PLEKHA1: variants seen among roughly 807,000 people sequenced by gnomAD.
The protein encoded by PLEKHA1 is pleckstrin homology domain containing A1.
A neutral mutation model predicts 52.0 loss-of-function variants in PLEKHA1; 34 were observed. The observed-to-expected ratio is 0.65, with a 90% CI of 0.50 to 0.87. PLEKHA1 has a LOEUF of 0.87. Ranked by LOEUF, PLEKHA1 falls within the 40% of genes least tolerant of loss-of-function variation. The pLI is 0.00. For missense variants in PLEKHA1, 497 were observed against 504.2 expected (o/e 0.99, Z 0.14); for synonymous variants, 163 against 170.7 (o/e 0.95, Z 0.35).
intron 1 of PLEKHA1, among the ~76,000 whole-genome samples, chr10:122,375,497 G>C (rs1433227272): frequency 1.3e-5 from 2 of 152,162 alleles, no homozygotes; most frequent in Non-Finnish European, 2.9e-5. Flanking sequence ...CCAGACCCAG[G>C]TCTTTCGACG....
At chr10:122,426,851 G>A (rs2292625) in intron 10 of PLEKHA1, 91 bp from the exon 11 acceptor site, 178,594 of 1,117,128 alleles carry the variant, frequency 0.16, 15,229 homozygotes, top group Middle Eastern at 0.21. Flanking sequence ...GTTGATGACA[G>A]TATTTTAAGT....
chr10:122,430,026 G>C lies in PLEKHA1; in HGVS notation c.*88G>C. On this transcript the variant is annotated 3_prime_UTR_variant, in exon 12 of 12. Coordinates refer to ENST00000368990, the MANE Select transcript of PLEKHA1 (RefSeq NM_001001974.4). ...GCCAAAGATGATAAAGGGGGAAATG[G>C]TTTTTAGTGCGTATATTATACTGCC... 7.1e-7 allele frequency: 1 copy of C among 1,410,004 alleles called. No individual in the cohort carries two copies. The highest frequency in any genetic ancestry group is 2.3e-5 in the East Asian group (1 of 43,158). 87.3% of individuals were successfully genotyped at this position (1,410,004 alleles called of 1,614,324 possible). A position where few individuals can be genotyped will look rare whatever the true frequency, so the allele number is the denominator to read the frequency against.
chr10:122,376,433 T>C (rs986706375), intron 1 of PLEKHA1, among the ~76,000 whole-genome samples: 7 of 151,170 alleles, frequency 4.6e-5, no homozygotes, highest in African/African-American at 1.7e-4. Flanking sequence ...CTGTATCTAC[T>C]GACAGTTTTC....
At position 122,393,318 on chromosome 10, in the gene PLEKHA1, G is replaced by A. The variant is rs759484111; in HGVS notation, c.118G>A (p.Val40Met). The A allele has an allele frequency of 1.1e-5, 17 of 1,611,546 alleles. No homozygotes were observed. Among genetic ancestry groups the A allele is most frequent in the East Asian group, 2.2e-5 (1 of 44,830 alleles). ...ACTGGATACCAGAGAAGATAGTTTC[G>A]TGTGGTACATGGATAATCCACAGGT... ...FILDTREDSF[V>M]WYMDNPQNLP... The change falls in exon 2 of 12, where the codon GTG becomes ATG. Residue 40 changes from valine to methionine, a missense_variant. By Grantham distance (21) the Val-to-Met change is conservative (BLOSUM62 1). Coordinates refer to ENST00000368990, the MANE Select transcript of PLEKHA1 (RefSeq NM_001001974.4). This position sits in a 1 kb window ranked among gnomAD's most constrained non-coding sequence, Gnocchi z 4.5.
chr10:122,429,527 TG>T, intron 11 of PLEKHA1, 96 bp from the exon 12 acceptor site: 3 of 907,134 alleles, frequency 3.3e-6, no homozygotes, highest in Middle Eastern at 2.4e-4. Context: ...TGTGTGTGTG[TG>T]TGTTTTATTT....
intron 6 of PLEKHA1, among the ~76,000 whole-genome samples, chr10:122,414,838 G>T (rs1018742260): frequency 2.0e-5 from 3 of 152,042 alleles, no homozygotes; most frequent in Non-Finnish European, 4.4e-5. Flanking sequence ...CTCAGGTGTT[G>T]CTGGTGGGAA....
Position 122,400,323 on chromosome 10 carries a change from G to A in PLEKHA1, c.199-20G>A, listed in dbSNP as rs201929776. The A allele has an allele frequency of 1.3e-5, 20 of 1,590,868 alleles. No individual in the cohort carries two copies. The highest frequency in any genetic ancestry group is 1.1e-4 in the East Asian group (5 of 44,312). On this transcript the variant is annotated intron_variant, in intron 3 of 11. Coordinates refer to ENST00000368990, the MANE Select transcript of PLEKHA1 (RefSeq NM_001001974.4). ...GATTATATGGAGAAGTGAGGAACCC[G>A]TCTCTATTTTTCTTTTTAGGTTAGC...
intron 5 of PLEKHA1, among the ~76,000 whole-genome samples, chr10:122,408,517 A>G (rs2097057622): frequency 6.6e-6 from 1 of 152,210 alleles, no homozygotes; most frequent in Non-Finnish European, 1.5e-5. Flanking sequence ...TTTATAATTC[A>G]CATTTGGAAA....
In PLEKHA1 at chr10:122,393,251, A is replaced by T; in HGVS notation, c.51A>T (p.Glu17Asp). Residue 17 changes from glutamate to aspartate, a missense_variant, in exon 2 of 12, where the codon GAA (glutamate) becomes GAT (aspartate). Glu to Asp is a conservative substitution (Grantham distance 45). Transcript: ENST00000368990. This position sits in a 1 kb window ranked among gnomAD's most constrained non-coding sequence, Gnocchi z 4.5. Reference sequence around the variant, plus strand: ...GCATTTGTGGTTTTCTAGACATTGAAGAAAATGAAAACAGTGGGAAATTTC... The same window carrying T: ...GCATTTGTGGTTTTCTAGACATTGATGAAAATGAAAACAGTGGGAAATTTC... ...QNRICGFLDI[E>D]ENENSGKFLR... is the part of the protein sequence containing the mutation. The T allele has an allele frequency of 6.2e-7, 1 of 1,612,964 alleles. No homozygotes were observed. The highest frequency in any genetic ancestry group is 1.1e-5 in the South Asian group (1 of 90,648).
intron 8 of PLEKHA1, chr10:122,422,344 A>G (rs1463580207): frequency 6.6e-6 from 1 of 152,208 alleles, no homozygotes; most frequent in Admixed American, 6.5e-5. Flanking sequence ...TCCCCACAAG[A>G]TACTTAACAG....
chr10:122,388,728 A>AT (rs2096735358), intron 1 of PLEKHA1, among the ~76,000 whole-genome samples: 1 of 152,228 alleles, frequency 6.6e-6, no homozygotes, highest in Non-Finnish European at 1.5e-5. Flanking sequence ...GCCTCTTCAA[A>AT]TGAGTTGTAA....
intron 1 of PLEKHA1, chr10:122,386,905 T>A (rs576863306): frequency 3.9e-5 from 6 of 152,308 alleles, no homozygotes; most frequent in Admixed American, 1.3e-4. Context: ...GTACTTCAGA[T>A]TTTCTTTTTT....
At chr10:122,413,094 G>T in intron 6 of PLEKHA1, 49 bp downstream of exon 6, 1 of 1,477,022 alleles carries the variant, frequency 6.8e-7, no homozygotes, top group Non-Finnish European at 9.2e-7. Context: ...ATTGTATATT[G>T]ATTTTTATAT....
chr10:122,385,769 A>G (rs1471748208), intron 1 of PLEKHA1, among the ~76,000 whole-genome samples: 1 of 152,182 alleles, frequency 6.6e-6, no homozygotes, highest in African/African-American at 2.4e-5. Flanking sequence ...TCTTTCACAT[A>G]CCAAAATACA....
chr10:122,428,684 A>C (rs949354386), intron 11 of PLEKHA1, among the ~76,000 whole-genome samples: 1 of 152,212 alleles, frequency 6.6e-6, no homozygotes, highest in Non-Finnish European at 1.5e-5. Flanking sequence ...TAATATATGC[A>C]AACTAATGCA....
At chr10:122,407,271 C>T (rs186147520) in intron 5 of PLEKHA1, among the ~76,000 whole-genome samples, 18 of 152,268 alleles carry the variant, frequency 1.2e-4, no homozygotes, top group Admixed American at 9.2e-4. Context: ...GGCTTGGTAC[C>T]CTTGCCCTCC....
chr10:122,408,185 GTAC>G (rs1429001042), intron 5 of PLEKHA1, among the ~76,000 whole-genome samples: 2 of 152,084 alleles, frequency 1.3e-5, no homozygotes, highest in African/African-American at 4.8e-5. Context: ...TCTCGTAACT[GTAC>G]TAAATTCATG....
chr10:122,393,266 T>C lies in PLEKHA1; in HGVS notation c.66T>C (p.Ser22=). 6.2e-7 allele frequency: 1 copy of C among 1,613,114 alleles called. No homozygotes were observed. Among genetic ancestry groups the C allele is most frequent in the Non-Finnish European group, 8.5e-7 (1 of 1,179,544 alleles). The stretch of plus-strand genomic sequence containing the variant: ...TAGACATTGAAGAAAATGAAAACAG[T>C]GGGAAATTTCTTCGAAGGTACTTCA... ...GFLDIEENEN[S]GKFLRRYFIL... is the part of the protein sequence containing the mutation. Residue 22 remains serine, a synonymous_variant, in exon 2 of 12, where the codon AGT becomes AGC. Coordinates refer to ENST00000368990, the MANE Select transcript of PLEKHA1 (RefSeq NM_001001974.4). The surrounding 1 kb of genome is among the most constrained non-coding windows in gnomAD (Gnocchi z 4.5).
chr10:122,400,300 T>C (rs747628586), intron 3 of PLEKHA1, 43 bp from the exon 4 acceptor site: 1 of 1,552,224 alleles, frequency 6.4e-7, no homozygotes. Context: ...GGTTTTAGGA[T>C]TATATGGAGA....
Sources: gnomAD v4.1 joint callset for allele counts (sites outside exome capture counted in the v4.1 genomes callset) on GRCh38, gnomAD v4.1.1 for gene constraint, Gnocchi (gnomAD v3.1) non-coding constraint, MANE v1.5 for transcripts, NCBI Gene and HGNC (gene_info 2026-07-23, HGNC 2026-07-21) for gene names.